Variants in ARFGEF3 observed in about 807,000 individuals in gnomAD.
The protein encoded by ARFGEF3 is ARFGEF family member 3.
ARFGEF3 carries 96 observed loss-of-function variants against 221.7 expected under a neutral mutation model. The observed-to-expected ratio is 0.43, with a 90% CI of 0.37 to 0.51. The LOEUF (loss-of-function observed/expected upper bound fraction) is 0.51, where lower values mean the gene tolerates loss of function less well. ARFGEF3 is among the 20% of genes least tolerant of loss of function. The pLI is 0.00. For missense variants in ARFGEF3, 2,410 were observed against 2,789.9 expected (o/e 0.86, Z 3.07); for synonymous variants, 1,145 against 1,126.8 (o/e 1.02, Z -0.32).
At chr6:138,292,520 C>G (rs867289092) in intron 19 of ARFGEF3, among the ~76,000 whole-genome samples, 1 of 152,136 alleles carries the variant, frequency 6.6e-6, no homozygotes, top group African/African-American at 2.4e-5. Context: ...AACAACCATG[C>G]GAGGGTGAAG....
chr6:138,267,995 G>A (rs1349423249), intron 12 of ARFGEF3, among the ~76,000 whole-genome samples: 2 of 152,116 alleles, frequency 1.3e-5, no homozygotes, highest in African/African-American at 4.8e-5. Flanking sequence ...CCAAATTACA[G>A]ACCCATCACT....
chr6:138,250,896 G>A (rs1416639592), intron 8 of ARFGEF3, among the ~76,000 whole-genome samples: 1 of 152,076 alleles, frequency 6.6e-6, no homozygotes, highest in East Asian at 1.9e-4. Flanking sequence ...TGGTTTCTAG[G>A]TTACTTTTTG....
chr6:138,293,284 T>C (rs1309712604), intron 19 of ARFGEF3, among the ~76,000 whole-genome samples: 1 of 152,198 alleles, frequency 6.6e-6, no homozygotes, highest in Admixed American at 6.5e-5. Context: ...ATAAAACAGA[T>C]ATTTGATCTT....
At chr6:138,292,841 T>C (rs1779437604) in intron 19 of ARFGEF3, among the ~76,000 whole-genome samples, 1 of 152,194 alleles carries the variant, frequency 6.6e-6, no homozygotes, top group South Asian at 2.1e-4. Flanking sequence ...ACTACCATAA[T>C]TGCTTTTTGC....
In ARFGEF3 at chr6:138,263,540, G is replaced by C; in HGVS notation, c.2057G>C (p.Arg686Pro). The C allele has an allele frequency of 6.2e-7, 1 of 1,613,140 alleles. No homozygotes were observed. Among genetic ancestry groups the C allele is most frequent in the Non-Finnish European group, 8.5e-7 (1 of 1,179,828 alleles). ...FIQSLEGLLP[R>P]LLSLSNVEEV... ...CAGTCCCTGGAAGGCCTCCTCCCTC[G>C]GCTCCTGTCTCTCTCCAATGTAGAG... The change falls in exon 12 of 34, where the codon CGG (arginine) becomes CCG (proline). Residue 686 changes from arginine (R) to proline (P), a missense_variant. This residue lies in a region of ARFGEF3 where 594 missense variants were observed against 734.3 expected (regional missense o/e 0.81). Transcript: ENST00000251691.
rs550736288 is a variant in ARFGEF3, at chr6:138,246,107, G to A, written c.665+516G>A. ...TTTACTTTTTTTTGTTTTGTTTTGCGTATCAGCTTAATCAATATCTGAGTT... is the reference window on the plus strand; with the variant it reads ...TTTACTTTTTTTTGTTTTGTTTTGCATATCAGCTTAATCAATATCTGAGTT... On this transcript the variant is annotated intron_variant, in intron 8 of 33. Transcript: ENST00000251691. 3.6e-3 allele frequency among the ~76,000 whole-genome samples: 550 copies of A among 152,076 alleles called. 5 individuals are homozygous for A. Among genetic ancestry groups the A allele is most frequent in the African/African-American group, 0.013 (526 of 41,472 alleles).
At chr6:138,255,823 T>C in intron 10 of ARFGEF3, 54 bp downstream of exon 10, 1 of 1,395,792 alleles carries the variant, frequency 7.2e-7, no homozygotes, top group South Asian at 1.5e-5. Flanking sequence ...TGACCAGCGT[T>C]TCGCATACAA....
intron 8 of ARFGEF3, 68 bp downstream of exon 8, chr6:138,245,659 G>T: frequency 8.8e-7 from 1 of 1,137,552 alleles, no homozygotes. Context: ...TTTGTCTGCA[G>T]CATCACTTCA....
At chr6:138,335,525 G>T (rs189915964) in intron 33 of ARFGEF3, among the ~76,000 whole-genome samples, 71 of 148,616 alleles carry the variant, frequency 4.8e-4, no homozygotes, top group Admixed American at 1.8e-3. Context: ...GGACAACACG[G>T]CAAAACCCAT....
rs373609636 is a variant in ARFGEF3, at chr6:138,263,096, C to T, written c.1613C>T (p.Ser538Leu). Residue 538 changes from serine (S) to leucine (L), a missense_variant, in exon 12 of 34, where the codon TCG becomes TTG. Coordinates refer to ENST00000251691, the MANE Select transcript of ARFGEF3 (RefSeq NM_020340.5). ...HSGNHKNSLK[S>L]PAIPEGKETL... ...GGAAACCACAAGAACAGTCTCAAGTCGCCAGCCATCCCAGAGGGTAAGGAG... is the reference window on the plus strand; with the variant it reads ...GGAAACCACAAGAACAGTCTCAAGTTGCCAGCCATCCCAGAGGGTAAGGAG... 45 of 1,613,702 alleles carry T rather than the reference C, an allele frequency of 2.8e-5. No individual in the cohort carries two copies. The Middle Eastern group carries it at 6.6e-4, about 24-fold the overall frequency.
chr6:138,171,207 A>G (rs552710676), intron 2 of ARFGEF3, among the ~76,000 whole-genome samples: 1 of 151,842 alleles, frequency 6.6e-6, no homozygotes, highest in South Asian at 2.1e-4. Context: ...TCTTGCACCC[A>G]TGAGCTGGGA....
intron 20 of ARFGEF3, among the ~76,000 whole-genome samples, chr6:138,294,831 G>C (rs1260020177): frequency 1.3e-5 from 2 of 152,342 alleles, no homozygotes; most frequent in Admixed American, 1.3e-4. Flanking sequence ...TTCAGGCAGA[G>C]ACCGGGAGCC....
At position 138,245,549 on chromosome 6, in the gene ARFGEF3, C is replaced by T; in HGVS notation, c.623C>T (p.Ser208Phe). The T allele has an allele frequency of 6.2e-7, 1 of 1,611,074 alleles. No homozygotes were observed. The highest frequency in any genetic ancestry group is 1.1e-5 in the South Asian group (1 of 90,116). The change falls in exon 8 of 34, where the codon TCT becomes TTT. Residue 208 changes from serine to phenylalanine, a missense_variant. This residue lies in a region of ARFGEF3 where 570 missense variants were observed against 586.9 expected (regional missense o/e 0.97). Transcript: ENST00000251691. ...GAGTCCCTCTGTGATGATGTTGTCT[C>T]TGTACTCACCGTCCTGTGTGAGAAG... is the stretch of plus-strand genomic sequence containing the variant. The part of the protein sequence containing the change: ...TVESLCDDVV[S>F]VLTVLCEKLQ...
At chr6:138,205,898 G>A (rs1014215280) in intron 2 of ARFGEF3, among the ~76,000 whole-genome samples, 1 of 152,218 alleles carries the variant, frequency 6.6e-6, no homozygotes, top group African/African-American at 2.4e-5. Context: ...GCTGCTGATG[G>A]AAGGATTCCA....
At chr6:138,177,122 C>T in intron 2 of ARFGEF3, among the ~76,000 whole-genome samples, 1 of 151,096 alleles carries the variant, frequency 6.6e-6, no homozygotes. Flanking sequence ...CACGGTCATG[C>T]TCTGTCACCC....
chr6:138,184,994 A>G (rs1158504119), intron 2 of ARFGEF3, among the ~76,000 whole-genome samples: 8 of 152,202 alleles, frequency 5.3e-5, no homozygotes, highest in African/African-American at 1.2e-4. Flanking sequence ...TTATTTTCCA[A>G]TGGAGAAACC....
At chr6:138,166,552 G>C (rs1776726665) in intron 1 of ARFGEF3, among the ~76,000 whole-genome samples, 1 of 152,196 alleles carries the variant, frequency 6.6e-6, no homozygotes, top group South Asian at 2.1e-4. Context: ...TATCTGGTTG[G>C]TTGTTTTTGT....
chr6:138,247,720 T>C (rs1778511203), intron 8 of ARFGEF3, among the ~76,000 whole-genome samples: 1 of 152,200 alleles, frequency 6.6e-6, no homozygotes, highest in Non-Finnish European at 1.5e-5. Context: ...TCCTATAAAA[T>C]AATTAATAGA....
chr6:138,206,758 G>A (rs905847806), intron 2 of ARFGEF3, among the ~76,000 whole-genome samples: 49 of 152,282 alleles, frequency 3.2e-4, no homozygotes, highest in African/African-American at 7.7e-4. Context: ...CAGACTGGCC[G>A]GGGTCCCAAT....
Sources: gnomAD v4.1 joint callset for allele counts (sites outside exome capture counted in the v4.1 genomes callset) on GRCh38, gnomAD v4.1.1 for gene constraint, gnomAD v4.1.1 regional missense constraint, MANE v1.5 for transcripts, NCBI Gene and HGNC (gene_info 2026-07-23, HGNC 2026-07-21) for gene names.